Variants in CELF2 observed in about 807,000 individuals in gnomAD.
CELF2 encodes the protein CUGBP Elav-like family member 2, also known as CUG triplet repeat RNA-binding protein 2.
In CELF2, 8 loss-of-function variants were observed where a neutral mutation model predicts 62.6. That is an observed-to-expected ratio of 0.13 (90% CI 0.07 to 0.23). The LOEUF (loss-of-function observed/expected upper bound fraction) is 0.23, where lower values mean the gene tolerates loss of function less well. CELF2 is among the 10% of genes least tolerant of loss of function. CELF2 has a pLI of 1.00. For missense variants in CELF2, 333 were observed against 671.0 expected (o/e 0.50, Z 5.56); for synonymous variants, 258 against 250.0 (o/e 1.03, Z -0.30).
intron 9 of CELF2, among the ~76,000 whole-genome samples, chr10:11,301,141 A>G (rs2093676161): frequency 1.3e-5 from 2 of 152,174 alleles, no homozygotes; most frequent in South Asian, 2.1e-4. Flanking sequence ...TATGGGAATT[A>G]TATTTTAAAT....
rs1160608516 is a variant in CELF2, at chr10:11,329,477, T to G, written c.*424T>G. ...CCACTGGTGCCCCGAGAGCACTGCC[T>G]GGAGAATTCACCCCTCCTTGCCCGG... On this transcript the variant is annotated 3_prime_UTR_variant, in exon 13 of 13. Transcript: ENST00000633077. The surrounding 1 kb of genome is among the most constrained non-coding windows in gnomAD (Gnocchi z 5.5). 1.3e-5 allele frequency: 2 copies of G among 152,830 alleles called. No homozygotes were observed. The highest frequency in any genetic ancestry group is 6.5e-5 in the Admixed American group (1 of 15,292). 9.5% of individuals were successfully genotyped at this position (152,830 alleles called of 1,614,324 possible).
the CELF2 span, among the ~76,000 whole-genome samples, chr10:10,629,418 T>C: frequency 3.3e-5 from 5 of 152,214 alleles, no homozygotes; most frequent in Admixed American, 6.5e-5. Context: ...CCCAGCTTAC[T>C]GGATGAGTGG....
At chr10:10,479,577 C>T in the CELF2 span, among the ~76,000 whole-genome samples, 2 of 152,274 alleles carry the variant, frequency 1.3e-5, no homozygotes, top group Non-Finnish European at 2.9e-5. Flanking sequence ...CTATAATTCT[C>T]ACCAATGAAA....
chr10:10,807,108 G>A (rs919924178), intron 1 of CELF2, among the ~76,000 whole-genome samples: 3 of 152,142 alleles, frequency 2.0e-5, no homozygotes. Context: ...TGCTTTGCTA[G>A]AAAATAAAGA....
chr10:10,859,092 G>A (rs2059915046), intron 1 of CELF2, among the ~76,000 whole-genome samples: 1 of 152,040 alleles, frequency 6.6e-6, no homozygotes, highest in Non-Finnish European at 1.5e-5. Flanking sequence ...CTTTTTTCAA[G>A]TATTCGTATT....
intron 1 of CELF2, among the ~76,000 whole-genome samples, chr10:11,032,523 T>C (rs990999383): frequency 6.6e-6 from 1 of 152,158 alleles, no homozygotes; most frequent in Non-Finnish European, 1.5e-5. Context: ...AACTGTTTAA[T>C]GAAATAGATG....
rs373843064 is a variant in CELF2, at chr10:11,296,058, G to C, written c.976+7506G>C. On this transcript the variant is annotated intron_variant, in intron 9 of 12. Transcript: ENST00000633077. The surrounding 1 kb of genome is among the most constrained non-coding windows in gnomAD (Gnocchi z 5.0). ...ATTTACGGTTCACCACAGAGCCCACGCTGGGATTTATGCAAGTAGATTCCA... is the reference window on the plus strand; with the variant it reads ...ATTTACGGTTCACCACAGAGCCCACCCTGGGATTTATGCAAGTAGATTCCA... Among the ~76,000 whole-genome samples, 1 of 152,266 alleles carries C rather than the reference G, an allele frequency of 6.6e-6. No homozygotes were observed. The highest frequency in any genetic ancestry group is 1.9e-4 in the East Asian group (1 of 5,194).
At chr10:10,825,376 A>G (rs1162231893) in intron 1 of CELF2, among the ~76,000 whole-genome samples, 1 of 150,858 alleles carries the variant, frequency 6.6e-6, no homozygotes, top group African/African-American at 2.4e-5. Flanking sequence ...AGCCCAGCTA[A>G]TTTTTTGTAT....
the CELF2 span, among the ~76,000 whole-genome samples, chr10:10,669,323 G>A: frequency 3.9e-5 from 6 of 152,262 alleles, no homozygotes; most frequent in East Asian, 1.2e-3. Flanking sequence ...TAAACTCCTA[G>A]TCAAATAAAA....
chr10:11,281,272 G>A (rs1285979313), intron 8 of CELF2, among the ~76,000 whole-genome samples: 1 of 152,276 alleles, frequency 6.6e-6, no homozygotes, highest in South Asian at 2.1e-4. Flanking sequence ...GTCAGAGTTT[G>A]TGGAGACCCT....
chr10:10,844,643 C>T (rs1408719609), intron 1 of CELF2, among the ~76,000 whole-genome samples: 1 of 152,102 alleles, frequency 6.6e-6, no homozygotes, highest in African/African-American at 2.4e-5. Flanking sequence ...TATGCTAATA[C>T]TAAAGAAATT....
rs79423391 is a variant in CELF2 at position 11,334,314 on chromosome 10, G to A, written c.*5261G>A. On this transcript the variant is annotated 3_prime_UTR_variant, in exon 13 of 13. Transcript: ENST00000633077. ...TTTGTAATGTATGTTATTGTGTGATGCAGTTTTTTGCTTCTGTCTCCAATA... is the reference window on the plus strand; with the variant it reads ...TTTGTAATGTATGTTATTGTGTGATACAGTTTTTTGCTTCTGTCTCCAATA... The A allele has an allele frequency of 4.1e-3, 619 of 152,728 alleles. 7 individuals carry two copies. Among genetic ancestry groups the A allele is most frequent in the East Asian group, 0.036 (187 of 5,186 alleles). The allele number at this position is 152,728 out of a possible 1,614,324, so 9.5% of individuals were successfully genotyped here.
At chr10:10,864,932 A>T (rs1369708661) in intron 1 of CELF2, among the ~76,000 whole-genome samples, 1 of 152,208 alleles carries the variant, frequency 6.6e-6, no homozygotes, top group Admixed American at 6.5e-5. Flanking sequence ...TCACAATATA[A>T]GAGTTTCCCC....
Position 11,227,627 on chromosome 10 carries a change from A to C in CELF2, c.354+10120A>C, listed in dbSNP as rs1424054602. Among the ~76,000 whole-genome samples the C allele has an allele frequency of 3.3e-5, 5 of 152,222 alleles. No homozygotes were observed. The highest frequency in any genetic ancestry group is 1.2e-4 in the African/African-American group (5 of 41,460). On this transcript the variant is annotated intron_variant, in intron 3 of 12. Transcript: ENST00000633077. The surrounding 1 kb of genome is among the most constrained non-coding windows in gnomAD (Gnocchi z 4.8). ...TTATCTGCTGTTAGATTCGGCCGGAATCTAAGGGATAGAGATGTATCATGA... is the reference window on the plus strand; with the variant it reads ...TTATCTGCTGTTAGATTCGGCCGGACTCTAAGGGATAGAGATGTATCATGA...
intron 10 of CELF2, among the ~76,000 whole-genome samples, chr10:11,320,162 T>G (rs987374128): frequency 4.6e-5 from 7 of 152,166 alleles, no homozygotes; most frequent in African/African-American, 1.7e-4. Context: ...TTTCCTGAGT[T>G]GATATGAAAG....
Position 11,297,695 on chromosome 10 carries a change from T to G in CELF2, c.976+9143T>G, listed in dbSNP as rs1390989908. On this transcript the variant is annotated intron_variant, in intron 9 of 12. Coordinates refer to ENST00000633077, the MANE Select transcript of CELF2 (RefSeq NM_001326342.2). This position sits in a 1 kb window ranked among gnomAD's most constrained non-coding sequence, Gnocchi z 4.4. ...TTTTAAAAATCTGTAATGGGGCCAG[T>G]CATGGCAGTTCACACCTGTAATCCC... is the stretch of plus-strand genomic sequence containing the variant. Among the ~76,000 whole-genome samples the G allele has an allele frequency of 6.6e-6, 1 of 152,210 alleles. No homozygotes were observed. The highest frequency in any genetic ancestry group is 2.1e-4 in the South Asian group (1 of 4,824).
At chr10:11,172,722 G>A (rs1011833101) in intron 2 of CELF2, among the ~76,000 whole-genome samples, 10 of 152,210 alleles carry the variant, frequency 6.6e-5, no homozygotes, top group African/African-American at 9.7e-5. Context: ...AAAAAAGACC[G>A]ACAGAGCGAG....
At chr10:10,948,706 G>C (rs1008721962) in intron 2 of CELF2, among the ~76,000 whole-genome samples, 3 of 152,132 alleles carry the variant, frequency 2.0e-5, no homozygotes, top group African/African-American at 7.2e-5. Flanking sequence ...GAACCTCTGA[G>C]CCCTTCCTCT....
At chr10:10,859,165 G>A (rs12356103) in intron 1 of CELF2, among the ~76,000 whole-genome samples, 23,789 of 152,084 alleles carry the variant, frequency 0.16, 2,103 homozygotes, top group Non-Finnish European at 0.21. Context: ...GGCTAATGAT[G>A]TAATTGTAAA....
Sources: gnomAD v4.1 joint callset for allele counts (sites outside exome capture counted in the v4.1 genomes callset) on GRCh38, gnomAD v4.1.1 for gene constraint, Gnocchi (gnomAD v3.1) non-coding constraint, MANE v1.5 for transcripts, NCBI Gene and HGNC (gene_info 2026-07-23, HGNC 2026-07-21) for gene names.